PIGK: variants seen among roughly 807,000 people sequenced by gnomAD.
PIGK encodes phosphatidylinositol glycan anchor biosynthesis class K.
A neutral mutation model predicts 50.6 loss-of-function variants in PIGK; 42 were observed. The observed-to-expected ratio is 0.83, with a 90% CI of 0.65 to 1.07. The LOEUF (loss-of-function observed/expected upper bound fraction) is 1.07. Ranked by LOEUF, PIGK falls within the 50% of genes least tolerant of loss-of-function variation. The probability of loss-of-function intolerance (pLI) is 0.00; values close to 1 mark genes in which losing one functional copy is unlikely to be tolerated. For missense variants in PIGK, 448 were observed against 488.7 expected (o/e 0.92, Z 0.78); for synonymous variants, 151 against 156.0 (o/e 0.97, Z 0.24).
chr1:77,164,292 A>T (rs761497822), intron 5 of PIGK, among the ~76,000 whole-genome samples: 1 of 152,230 alleles, frequency 6.6e-6, no homozygotes, highest in African/African-American at 2.4e-5. Context: ...GAAGCTGAAG[A>T]CATTAGCTAG....
At chr1:77,158,729 G>C (rs1360727494) in intron 8 of PIGK, among the ~76,000 whole-genome samples, 1 of 152,088 alleles carries the variant, frequency 6.6e-6, no homozygotes, top group Non-Finnish European at 1.5e-5. Context: ...TAGGGTATCT[G>C]GTGGAAGAAA....
At chr1:77,118,244 T>C (rs1654021811) in intron 10 of PIGK, among the ~76,000 whole-genome samples, 1 of 152,202 alleles carries the variant, frequency 6.6e-6, no homozygotes, top group African/African-American at 2.4e-5. Context: ...TTTCTTTTCT[T>C]TCTTTCTTTT....
chr1:77,144,260 A>T (rs1654717817), intron 9 of PIGK, among the ~76,000 whole-genome samples: 1 of 152,016 alleles, frequency 6.6e-6, no homozygotes, highest in Non-Finnish European at 1.5e-5. Context: ...TAGTGCAAAG[A>T]TCAGAAGAGT....
At chr1:77,116,442 C>T (rs1653966480) in intron 10 of PIGK, among the ~76,000 whole-genome samples, 1 of 152,030 alleles carries the variant, frequency 6.6e-6, no homozygotes, top group African/African-American at 2.4e-5. Context: ...ACCTCAGCCT[C>T]CCAAAGTGCT....
intron 10 of PIGK, among the ~76,000 whole-genome samples, chr1:77,105,320 T>G (rs1653643573): frequency 6.6e-6 from 1 of 151,790 alleles, no homozygotes; most frequent in South Asian, 2.1e-4. Flanking sequence ...AAGGCAACAT[T>G]CGATTGGTAA....
chr1:77,210,498 A>G lies in PIGK; in HGVS notation c.94-9T>C, dbSNP rs751388725. On this transcript the variant is annotated splice_polypyrimidine_tract_variant and intron_variant, in intron 1 of 10. Coordinates refer to ENST00000370812, the MANE Select transcript of PIGK (RefSeq NM_005482.3). ...AATTGTTCTGCTTGATCCTAAATAA[A>G]GCAAAACAAATAGAAGAAAAAGGCA... is the stretch of plus-strand genomic sequence containing the variant. 1.3e-5 allele frequency: 20 copies of G among 1,573,290 alleles called. No homozygotes were observed. The highest frequency in any genetic ancestry group is 7.0e-5 in the Admixed American group (4 of 56,994).
At chr1:77,116,589 T>C (rs892856985) in intron 10 of PIGK, among the ~76,000 whole-genome samples, 14 of 71,276 alleles carry the variant, frequency 2.0e-4, no homozygotes, top group African/African-American at 8.8e-4. Context: ...TGTGTGTGTG[T>C]GTGTGTGCGC....
chr1:77,215,674 T>C (rs772588826), intron 1 of PIGK, among the ~76,000 whole-genome samples: 5 of 152,148 alleles, frequency 3.3e-5, no homozygotes, highest in Admixed American at 2.0e-4. Context: ...AACCTGAGTG[T>C]CTATCAGTAG....
chr1:77,120,017 ACT>A (rs1245583403), intron 10 of PIGK, among the ~76,000 whole-genome samples: 2 of 152,156 alleles, frequency 1.3e-5, no homozygotes, highest in African/African-American at 4.8e-5. Context: ...AAAATAAGTA[ACT>A]CTATTTTAAA....
chr1:77,118,674 T>C (rs369437662), intron 10 of PIGK, among the ~76,000 whole-genome samples: 1 of 152,208 alleles, frequency 6.6e-6, no homozygotes, highest in Non-Finnish European at 1.5e-5. Context: ...TGCAAGAACA[T>C]AGTATCCCCC....
At position 77,219,314 on chromosome 1, in the gene PIGK, A is replaced by G. The variant is rs1409436446; in HGVS notation, c.89T>C (p.Ile30Thr). ...LSFGSVAASH[I>T]EDQAEQFFRS... ...TCAAATGAGCCTGACTCCTACCTCG[A>G]TATGACTAGCGGCCACGCTGCCGAA... Residue 30 changes from isoleucine (I) to threonine (T), a missense_variant, in exon 1 of 11, where the codon ATC (isoleucine) becomes ACC (threonine). Coordinates refer to ENST00000370812, the MANE Select transcript of PIGK (RefSeq NM_005482.3). The G allele has an allele frequency of 1.9e-6, 3 of 1,613,256 alleles. No homozygotes were observed. The highest frequency in any genetic ancestry group is 2.5e-6 in the Non-Finnish European group (3 of 1,179,482).
chr1:77,098,247 A>G (rs1653465592), intron 10 of PIGK, among the ~76,000 whole-genome samples: 1 of 152,164 alleles, frequency 6.6e-6, no homozygotes, highest in Non-Finnish European at 1.5e-5. Flanking sequence ...AGAAGAAGAA[A>G]AAAAAGAGAT....
intron 9 of PIGK, among the ~76,000 whole-genome samples, chr1:77,145,147 C>T (rs1203156304): frequency 2.0e-5 from 3 of 151,740 alleles, no homozygotes; most frequent in Admixed American, 6.6e-5. Context: ...CAATTTTACC[C>T]GAATCTCAAA....
rs1488456049 is a variant in PIGK at position 77,161,673 on chromosome 1, C to G, written c.623G>C (p.Gly208Ala). The G allele has an allele frequency of 1.3e-6, 2 of 1,578,124 alleles. No individual in the cohort carries two copies. The highest frequency in any genetic ancestry group is 3.3e-5 in the Admixed American group (2 of 59,946). Residue 208 changes from glycine (G) to alanine (A), a missense_variant, in exon 7 of 11, where the codon GGA (glycine) becomes GCA (alanine). Coordinates refer to ENST00000370812, the MANE Select transcript of PIGK (RefSeq NM_005482.3). ...ATAAAATCGTTCATACATGGATGCTCCTTGGCAAGTATCAATAATAAACAG... is the reference window on the plus strand; with the variant it reads ...ATAAAATCGTTCATACATGGATGCTGCTTGGCAAGTATCAATAATAAACAG... ...ELLFIIDTCQGASMYERFYSP... is the reference protein window; with the variant it reads ...ELLFIIDTCQAASMYERFYSP...
At chr1:77,102,764 A>C (rs1653578407) in intron 10 of PIGK, among the ~76,000 whole-genome samples, 2 of 152,248 alleles carry the variant, frequency 1.3e-5, no homozygotes, top group Admixed American at 6.5e-5. Context: ...TGATGCAGAT[A>C]GTCCAGATGT....
rs113056847 is a variant in PIGK at position 77,163,905 on chromosome 1, A to C, written c.525T>G (p.Ser175=). The change falls in exon 6 of 11, where the codon TCT becomes TCG. Residue 175 remains serine (S), a synonymous_variant. Transcript: ENST00000370812. ...CGAGTTCTATGTTGGTAATTTCTTC[A>C]GAATCTTGAAATTTTAAGAAACCAT... The part of the protein sequence containing the change: ...GGNGFLKFQD[S]EEITNIELAD... 3 of 1,608,986 alleles carry C rather than the reference A, an allele frequency of 1.9e-6. No homozygotes were observed. Among genetic ancestry groups the C allele is most frequent in the Admixed American group, 1.7e-5 (1 of 59,500 alleles).
At chr1:77,195,529 C>T in intron 3 of PIGK, 1 of 498,014 alleles carries the variant, frequency 2.0e-6, no homozygotes, top group Non-Finnish European at 3.4e-6. Context: ...AAGAATAAGG[C>T]CTTACAGAGA....
chr1:77,217,605 T>C (rs1157160374), intron 1 of PIGK, among the ~76,000 whole-genome samples: 2 of 152,178 alleles, frequency 1.3e-5, no homozygotes, highest in Non-Finnish European at 2.9e-5. Flanking sequence ...TAAAAGTTAC[T>C]CTGGCTTCAA....
chr1:77,193,055 C>A (rs1313759843), intron 3 of PIGK, among the ~76,000 whole-genome samples: 1 of 152,178 alleles, frequency 6.6e-6, no homozygotes, highest in South Asian at 2.1e-4. Context: ...AATTGAGTAA[C>A]TTCCCACTCA....
Sources: allele counts gnomAD v4.1 joint callset (sites outside exome capture counted in the v4.1 genomes callset), GRCh38; gene constraint gnomAD v4.1.1; transcripts MANE v1.5; gene names NCBI Gene and HGNC (gene_info 2026-07-23, HGNC 2026-07-21).